Variants in CAMK1D observed in about 807,000 individuals in gnomAD.
CAMK1D encodes calcium/calmodulin-dependent protein kinase type 1D.
Under a neutral mutation model 47.7 loss-of-function variants are expected in CAMK1D, and 9 were observed. The ratio of observed to expected loss-of-function variants is 0.19; its 90% confidence interval spans 0.11 to 0.33. The LOEUF (loss-of-function observed/expected upper bound fraction) is 0.33, where lower values mean the gene tolerates loss of function less well. Among genes scored for constraint, CAMK1D ranks in the 10% least tolerant of loss-of-function variants. The probability of loss-of-function intolerance (pLI) is 1.00; values close to 1 mark genes in which losing one functional copy is unlikely to be tolerated. For missense variants in CAMK1D, 291 were observed against 488.7 expected, an observed-to-expected ratio of 0.60 and a Z score of 3.81; for synonymous variants, 184 against 184.9, an observed-to-expected ratio of 0.99 and a Z score of 0.04.
Position 12,769,761 on chromosome 10 carries a change from A to G in CAMK1D, c.527A>G (p.Asp176Gly). 6.2e-7 allele frequency: 1 copy of G among 1,614,198 alleles called. No homozygotes were observed. Among genetic ancestry groups the G allele is most frequent in the Non-Finnish European group, 8.5e-7 (1 of 1,180,006 alleles). ...TTGTCAAAAATGGAGGGCAAAGGAG[A>G]TGTGATGTCCACTGCCTGTGGAACT... ...FGLSKMEGKGDVMSTACGTPG... is the reference protein window; with the variant it reads ...FGLSKMEGKGGVMSTACGTPG... Residue 176 changes from aspartate to glycine, a missense_variant, in exon 5 of 11, where the codon GAT (aspartate) becomes GGT (glycine). By Grantham distance (94) the Asp-to-Gly change is moderately conservative. Transcript: ENST00000619168.
At chr10:12,732,670 G>GC (rs367919756) in intron 3 of CAMK1D, among the ~76,000 whole-genome samples, 6,569 of 71,746 alleles carry the variant, frequency 0.092, 468 homozygotes, top group African/African-American at 0.23. Flanking sequence ...AATTACCCCC[G>GC]CCCCCCCCGC....
intron 1 of CAMK1D, among the ~76,000 whole-genome samples, chr10:12,355,484 G>A (rs909429468): frequency 1.3e-5 from 2 of 150,034 alleles, no homozygotes; most frequent in South Asian, 4.3e-4. Flanking sequence ...GTGCGCGCGC[G>A]TGCGTGTGTA....
intron 1 of CAMK1D, among the ~76,000 whole-genome samples, chr10:12,516,876 C>A (rs1214281216): frequency 2.6e-5 from 4 of 152,144 alleles, no homozygotes; most frequent in African/African-American, 4.8e-5. Flanking sequence ...ATAGATGTTG[C>A]CTTTCCATAT....
At chr10:12,412,894 A>G (rs1420684168) in intron 1 of CAMK1D, among the ~76,000 whole-genome samples, 2 of 152,042 alleles carry the variant, frequency 1.3e-5, no homozygotes, top group African/African-American at 2.4e-5. Flanking sequence ...GTCCCTGGAA[A>G]GGGTTCATGA....
At chr10:12,807,501 C>T (rs1838785753) in intron 6 of CAMK1D, among the ~76,000 whole-genome samples, 1 of 152,144 alleles carries the variant, frequency 6.6e-6, no homozygotes, top group South Asian at 2.1e-4. Context: ...ATGGGGCTGC[C>T]TCAGGGAGTT....
At chr10:12,479,637 G>T (rs940862995) in intron 1 of CAMK1D, among the ~76,000 whole-genome samples, 1 of 152,184 alleles carries the variant, frequency 6.6e-6, no homozygotes, top group African/African-American at 2.4e-5. Flanking sequence ...CCTGTCTCTC[G>T]CCCCACAGGT....
intron 1 of CAMK1D, among the ~76,000 whole-genome samples, chr10:12,465,234 T>C (rs375634949): frequency 1.3e-5 from 2 of 152,244 alleles, no homozygotes; most frequent in African/African-American, 4.8e-5. Flanking sequence ...CCATTAATTA[T>C]AGATAATCCC....
chr10:12,395,038 C>T (rs1194927097), intron 1 of CAMK1D, among the ~76,000 whole-genome samples: 1 of 149,090 alleles, frequency 6.7e-6, no homozygotes, highest in Non-Finnish European at 1.5e-5. Context: ...TAAACAGTTA[C>T]ACTTATTTTA....
intron 2 of CAMK1D, among the ~76,000 whole-genome samples, chr10:12,584,391 A>G (rs1837754044): frequency 6.6e-6 from 1 of 152,224 alleles, no homozygotes; most frequent in South Asian, 2.1e-4. Flanking sequence ...GATGATGGTG[A>G]TAATGGTCAT....
In CAMK1D at chr10:12,637,010, C is replaced by T. The variant is rs558545350; in HGVS notation, c.225-29726C>T. ...TTTTTTTGATACAGTCTCTCTCTCT[C>T]ATCCAGGCTGGAGTACAGTGCCTTC... is the stretch of plus-strand genomic sequence containing the variant. On this transcript the variant is annotated intron_variant, in intron 2 of 10. Transcript: ENST00000619168. Among the ~76,000 whole-genome samples, 41 of 152,236 alleles carry T rather than the reference C, an allele frequency of 2.7e-4. 1 individual carries two copies. In the South Asian group the frequency reaches 8.1e-3, roughly 30 times the overall value.
chr10:12,762,004 C>T (rs1472279534), intron 4 of CAMK1D, among the ~76,000 whole-genome samples: 1 of 152,220 alleles, frequency 6.6e-6, no homozygotes, highest in Non-Finnish European at 1.5e-5. Flanking sequence ...CTTATATTGG[C>T]ATATATGCCC....
At chr10:12,585,187 C>G (rs1157964178) in intron 2 of CAMK1D, among the ~76,000 whole-genome samples, 2 of 152,180 alleles carry the variant, frequency 1.3e-5, no homozygotes, top group African/African-American at 2.4e-5. Context: ...GAGATTGAAG[C>G]TGGTAGTTCC....
intron 3 of CAMK1D, among the ~76,000 whole-genome samples, chr10:12,746,478 A>T (rs546297964): frequency 6.6e-6 from 1 of 152,286 alleles, no homozygotes; most frequent in South Asian, 2.1e-4. Flanking sequence ...ATTGTTTAGA[A>T]ATGTGAATTT....
At chr10:12,712,816 T>G (rs1235210314) in intron 3 of CAMK1D, among the ~76,000 whole-genome samples, 1 of 152,018 alleles carries the variant, frequency 6.6e-6, no homozygotes, top group African/African-American at 2.4e-5. Context: ...TTAGACTCTA[T>G]TATCTCCCCC....
intron 2 of CAMK1D, among the ~76,000 whole-genome samples, chr10:12,568,482 A>G (rs1487936384): frequency 2.0e-5 from 1 of 50,594 alleles, no homozygotes; most frequent in Non-Finnish European, 3.6e-5. Flanking sequence ...CTTTTCTTTC[A>G]TTTTCTCTCT....
chr10:12,577,989 C>T (rs970891441), intron 2 of CAMK1D, among the ~76,000 whole-genome samples: 1 of 152,238 alleles, frequency 6.6e-6, no homozygotes, highest in South Asian at 2.1e-4. Flanking sequence ...ATTTATTAGG[C>T]AAGCACAGCT....
chr10:12,807,388 T>G lies in CAMK1D; in HGVS notation c.642-6807T>G, dbSNP rs914754721. Among the ~76,000 whole-genome samples, 12 of 152,248 alleles carry G rather than the reference T, an allele frequency of 7.9e-5. No individual in the cohort carries two copies. The South Asian group carries it at 1.2e-3, about 16-fold the overall frequency. On this transcript the variant is annotated intron_variant, in intron 6 of 10. Transcript: ENST00000619168. ...TCACAGCCTCACCACTGAGTGGAGA[T>G]CTCTCCTCCCGGCCCATGCTCTGCC...
chr10:12,666,160 A>G (rs1401466978), intron 2 of CAMK1D, among the ~76,000 whole-genome samples: 1 of 150,320 alleles, frequency 6.7e-6, no homozygotes, highest in Non-Finnish European at 1.5e-5. Flanking sequence ...CTGAAGTGAC[A>G]TTTGGTAGTG....
intron 1 of CAMK1D, among the ~76,000 whole-genome samples, chr10:12,380,606 C>T (rs1191315586): frequency 6.6e-6 from 1 of 152,084 alleles, no homozygotes. Flanking sequence ...GCCTGTAATC[C>T]CAGCACTTTG....
Sources: gnomAD v4.1 joint callset for allele counts (sites outside exome capture counted in the v4.1 genomes callset) on GRCh38, gnomAD v4.1.1 for gene constraint, MANE v1.5 for transcripts, NCBI Gene and HGNC (gene_info 2026-07-23, HGNC 2026-07-21) for gene names.